Variants in CNTN6 observed in about 807,000 individuals in gnomAD.
CNTN6 encodes contactin 6, also known as contactin-6.
In CNTN6, 137 loss-of-function variants were observed where a neutral mutation model predicts 122.8. The observed-to-expected ratio is 1.12, with a 90% CI of 0.97 to 1.29. CNTN6 has a LOEUF of 1.29. Ranked by LOEUF, CNTN6 falls within the 50% of genes most tolerant of loss-of-function variation. The pLI is 0.00. For missense variants in CNTN6, 1,634 were observed against 1,223.4 expected, an observed-to-expected ratio of 1.34 and a Z score of -5.01; for synonymous variants, 570 against 426.0, an observed-to-expected ratio of 1.34 and a Z score of -4.16.
intron 21 of CNTN6, 22 bp downstream of exon 21, chr3:1,401,567 T>TA: frequency 6.6e-7 from 1 of 1,515,136 alleles, no homozygotes; most frequent in Non-Finnish European, 9.1e-7. Context: ...GTTTTTCCTT[T>TA]AATCATATCA....
chr3:1,344,567 G>A (rs1704377201), intron 11 of CNTN6, among the ~76,000 whole-genome samples: 1 of 152,130 alleles, frequency 6.6e-6, no homozygotes, highest in Admixed American at 6.6e-5. Flanking sequence ...GCAGATTGGA[G>A]AGTGAAACCT....
intron 17 of CNTN6, among the ~76,000 whole-genome samples, chr3:1,382,142 C>A (rs3844286): frequency 0.12 from 18,517 of 150,736 alleles, 1,297 homozygotes; most frequent in Middle Eastern, 0.16. Flanking sequence ...TTGGGAAAAA[C>A]CAAATAAATT....
At chr3:1,113,968 T>C (rs1043354702) in intron 1 of CNTN6, among the ~76,000 whole-genome samples, 1 of 152,018 alleles carries the variant, frequency 6.6e-6, no homozygotes, top group Non-Finnish European at 1.5e-5. Flanking sequence ...ACCATTCCTT[T>C]ATTTATTCAT....
intron 2 of CNTN6, among the ~76,000 whole-genome samples, chr3:1,196,910 G>A (rs1055946148): frequency 1.3e-5 from 2 of 152,130 alleles, no homozygotes; most frequent in African/African-American, 2.4e-5. Flanking sequence ...GCAGGTTAGA[G>A]TTCCCATATG....
intron 1 of CNTN6, among the ~76,000 whole-genome samples, chr3:1,094,745 T>C (rs1166602496): frequency 6.6e-6 from 1 of 151,960 alleles, no homozygotes; most frequent in Non-Finnish European, 1.5e-5. Context: ...GTATATTAAA[T>C]TGATTGCATA....
At chr3:1,354,542 C>G (rs888563426) in intron 12 of CNTN6, among the ~76,000 whole-genome samples, 6 of 151,234 alleles carry the variant, frequency 4.0e-5, no homozygotes, top group Non-Finnish European at 8.9e-5. Context: ...AACTGACTTA[C>G]TTATTATGGT....
chr3:1,338,357 T>C (rs1050798455), intron 11 of CNTN6, among the ~76,000 whole-genome samples: 1 of 152,024 alleles, frequency 6.6e-6, no homozygotes, highest in Admixed American at 6.6e-5. Context: ...ATGCCCATGA[T>C]TTTGATTTAG....
At chr3:1,097,455 C>T (rs1173558224) in intron 1 of CNTN6, among the ~76,000 whole-genome samples, 2 of 152,096 alleles carry the variant, frequency 1.3e-5, no homozygotes, top group East Asian at 3.8e-4. Context: ...CATGATGTGT[C>T]GTATGAAGTA....
At chr3:1,252,235 C>T (rs2094683672) in intron 4 of CNTN6, among the ~76,000 whole-genome samples, 2 of 152,178 alleles carry the variant, frequency 1.3e-5, no homozygotes, top group South Asian at 4.1e-4. Context: ...TCTCTTCCTA[C>T]ATCCAACTGT....
chr3:1,338,196 G>A (rs1703359683), intron 11 of CNTN6, among the ~76,000 whole-genome samples: 1 of 152,106 alleles, frequency 6.6e-6, no homozygotes, highest in Non-Finnish European at 1.5e-5. Flanking sequence ...AAAATAAATA[G>A]CATCTTATAA....
intron 2 of CNTN6, among the ~76,000 whole-genome samples, chr3:1,185,785 C>G (rs943553953): frequency 6.6e-6 from 1 of 152,070 alleles, no homozygotes; most frequent in Non-Finnish European, 1.5e-5. Context: ...CACTTTTCCC[C>G]TTTGTAACAT....
intron 15 of CNTN6, 58 bp downstream of exon 15, chr3:1,373,820 TAATA>T: frequency 1.3e-6 from 2 of 1,496,516 alleles, no homozygotes; most frequent in Non-Finnish European, 1.8e-6. Flanking sequence ...CCAATAATTT[TAATA>T]AATGCAATTA....
At position 1,202,294 on chromosome 3, in the gene CNTN6, A is replaced by G. The variant is rs1423591845; in HGVS notation, c.56-18393A>G. ...GGTGGCTCACGCCTGTAATCCCAGC[A>G]CTTCGGAAGGCCGAGGCGGGCGGAT... On this transcript the variant is annotated intron_variant, in intron 2 of 22. Transcript: ENST00000446702. Among the ~76,000 whole-genome samples, 5 of 152,260 alleles carry G rather than the reference A, an allele frequency of 3.3e-5. No homozygotes were observed. The East Asian group carries it at 5.8e-4, about 18-fold the overall frequency.
chr3:1,261,783 A>G (rs1319316338), intron 4 of CNTN6, among the ~76,000 whole-genome samples: 1 of 152,134 alleles, frequency 6.6e-6, no homozygotes, highest in African/African-American at 2.4e-5. Flanking sequence ...ATGTGAGAAA[A>G]TTCAAGAAAT....
intron 2 of CNTN6, among the ~76,000 whole-genome samples, chr3:1,160,594 A>G (rs1251474507): frequency 6.6e-6 from 1 of 151,318 alleles, no homozygotes; most frequent in Non-Finnish European, 1.5e-5. Context: ...TGCTTTTAAA[A>G]GCTAAGCAAA....
At chr3:1,184,277 T>C (rs1559473373) in intron 2 of CNTN6, among the ~76,000 whole-genome samples, 1 of 152,160 alleles carries the variant, frequency 6.6e-6, no homozygotes, top group Non-Finnish European at 1.5e-5. Context: ...CTTTTTTTGT[T>C]TTACATTTGG....
chr3:1,207,786 C>A (rs898652473), intron 2 of CNTN6, among the ~76,000 whole-genome samples: 3 of 152,064 alleles, frequency 2.0e-5, no homozygotes, highest in Non-Finnish European at 4.4e-5. Flanking sequence ...AATGATTGTT[C>A]AGTAAATGAA....
intron 2 of CNTN6, among the ~76,000 whole-genome samples, chr3:1,216,460 A>AT (rs1257319222): frequency 6.6e-6 from 1 of 152,124 alleles, no homozygotes; most frequent in Non-Finnish European, 1.5e-5. Context: ...GGCATTGTTA[A>AT]TTTCTGTTTG....
chr3:1,144,222 A>G, intron 1 of CNTN6, among the ~76,000 whole-genome samples: 1 of 152,256 alleles, frequency 6.6e-6, no homozygotes, highest in South Asian at 2.1e-4. Context: ...CCTTAAGAGA[A>G]ATACATTGAG....
Sources: gnomAD v4.1 joint callset for allele counts (sites outside exome capture counted in the v4.1 genomes callset) on GRCh38, gnomAD v4.1.1 for gene constraint, MANE v1.5 for transcripts, NCBI Gene and HGNC (gene_info 2026-07-23, HGNC 2026-07-21) for gene names.